CELF4: variants seen among roughly 807,000 people sequenced by gnomAD.
CELF4 encodes the protein CUG-BP- and ETR-3-like factor 4.
Under a neutral mutation model 59.9 loss-of-function variants are expected in CELF4, and 18 were observed. The ratio of observed to expected loss-of-function variants is 0.30; its 90% CI spans 0.21 to 0.45. CELF4 has a LOEUF of 0.45. CELF4 is among the 20% of genes least tolerant of loss of function. The probability of loss-of-function intolerance (pLI) is 1.00; values close to 1 mark genes in which losing one functional copy is unlikely to be tolerated. For synonymous variants in CELF4, 261 were observed against 267.1 expected (o/e 0.98, Z 0.22); for missense variants, 456 against 689.0 (o/e 0.66, Z 3.79).
At chr18:37,297,784 A>G (rs2095748078) in intron 3 of CELF4, among the ~76,000 whole-genome samples, 1 of 152,182 alleles carries the variant, frequency 6.6e-6, no homozygotes, top group South Asian at 2.1e-4. Flanking sequence ...AAAACTTCGT[A>G]CATTAATCTA....
At chr18:37,436,701 TGAAGG>T (rs2099693804) in intron 2 of CELF4, among the ~76,000 whole-genome samples, 1 of 152,188 alleles carries the variant, frequency 6.6e-6, no homozygotes, top group Admixed American at 6.5e-5. Context: ...TGCAGCCCTT[TGAAGG>T]GATGGTCAGA....
At chr18:37,421,816 T>C (rs533876930) in intron 2 of CELF4, among the ~76,000 whole-genome samples, 24 of 152,354 alleles carry the variant, frequency 1.6e-4, no homozygotes, top group Non-Finnish European at 2.5e-4. Context: ...ATGTGAGCTG[T>C]AAAACACCGG....
chr18:37,327,355 T>C (rs1340839177), intron 2 of CELF4, among the ~76,000 whole-genome samples: 1 of 152,186 alleles, frequency 6.6e-6, no homozygotes, highest in Non-Finnish European at 1.5e-5. Flanking sequence ...GGTCCTGGTA[T>C]GACCTGGGCT....
chr18:37,558,300 A>T (rs2099985440), intron 1 of CELF4, among the ~76,000 whole-genome samples: 1 of 150,724 alleles, frequency 6.6e-6, no homozygotes, highest in Admixed American at 6.6e-5. Context: ...GCGGAACTTG[A>T]TGGGTGGAGA....
At chr18:37,274,000 G>C (rs2092455064) in intron 6 of CELF4, 1 of 1,201,170 alleles carries the variant, frequency 8.3e-7, no homozygotes, top group Non-Finnish European at 1.0e-6. Context: ...TGCTTCCTGG[G>C]GTTCAACGTT....
chr18:37,289,934 T>C (rs1266036085), intron 3 of CELF4, among the ~76,000 whole-genome samples: 1 of 152,242 alleles, frequency 6.6e-6, no homozygotes, highest in Non-Finnish European at 1.5e-5. Flanking sequence ...GTGGTGGCTC[T>C]GGTCACCTCC....
rs571009592 is a variant in CELF4 at position 37,513,817 on chromosome 18, G to C, written c.287-28210C>G. On this transcript the variant is annotated intron_variant, in intron 1 of 12. Coordinates refer to ENST00000420428, the MANE Select transcript of CELF4 (RefSeq NM_020180.4). ...CCTCCTCTATGGAGCCTCCCTGAAGGGTTCATGAACTTCTGCATGCCTTGT... is the reference window on the plus strand; with the variant it reads ...CCTCCTCTATGGAGCCTCCCTGAAGCGTTCATGAACTTCTGCATGCCTTGT... Among the ~76,000 whole-genome samples, 139 of 152,200 alleles carry C rather than the reference G, an allele frequency of 9.1e-4. 1 individual carries two copies. Among genetic ancestry groups the C allele is most frequent in the Middle Eastern group, 3.4e-3 (1 of 294 alleles).
chr18:37,504,818 G>A (rs1396838017), intron 1 of CELF4, among the ~76,000 whole-genome samples: 1 of 152,192 alleles, frequency 6.6e-6, no homozygotes. Flanking sequence ...AGGTCAGAGC[G>A]CTACCTGGAA....
chr18:37,289,929 G>T (rs2095215129), intron 3 of CELF4, among the ~76,000 whole-genome samples: 1 of 152,310 alleles, frequency 6.6e-6, no homozygotes, highest in East Asian at 1.9e-4. Context: ...GAAATGTGGT[G>T]GCTCTGGTCA....
chr18:37,393,914 G>GA (rs150014642), intron 2 of CELF4, among the ~76,000 whole-genome samples: 36,183 of 135,972 alleles, frequency 0.27, 5,038 homozygotes, highest in East Asian at 0.46. Context: ...AAAGGCTAAG[G>GA]GAAAAAAAAA....
At chr18:37,278,401 G>A (rs1257308378) in intron 3 of CELF4, among the ~76,000 whole-genome samples, 1 of 152,188 alleles carries the variant, frequency 6.6e-6, no homozygotes, top group Non-Finnish European at 1.5e-5. Flanking sequence ...CCTCCAGTTG[G>A]GTATTGTGGC....
In CELF4 at chr18:37,374,726, T is replaced by C. The variant is rs1049120827; in HGVS notation, c.370-52845A>G. ...CCTTCTTGCCCGGTTCCTTCTCCCA[T>C]GGAAGGGAGGCACAGAGTGGATAAG... On this transcript the variant is annotated intron_variant, in intron 2 of 12. Coordinates refer to ENST00000420428, the MANE Select transcript of CELF4 (RefSeq NM_020180.4). Among the ~76,000 whole-genome samples the C allele has an allele frequency of 2.0e-5, 3 of 152,132 alleles. 1 individual carries two copies. The highest frequency in any genetic ancestry group is 7.2e-5 in the African/African-American group (3 of 41,430).
chr18:37,558,806 CGTGTGTGTGT>C (rs147683102), intron 1 of CELF4, among the ~76,000 whole-genome samples: 1 of 145,460 alleles, frequency 6.9e-6, no homozygotes, highest in African/African-American at 2.6e-5. Flanking sequence ...GCTGTCAGGT[CGTGTGTGTGT>C]GTGTGTGTGT....
chr18:37,308,065 G>C (rs960668067), intron 3 of CELF4, among the ~76,000 whole-genome samples: 1 of 151,938 alleles, frequency 6.6e-6, no homozygotes, highest in East Asian at 1.9e-4. Context: ...TAGCAATGAC[G>C]GGCTCCTGAA....
At chr18:37,304,004 T>A (rs974712782) in intron 3 of CELF4, among the ~76,000 whole-genome samples, 1 of 152,246 alleles carries the variant, frequency 6.6e-6, no homozygotes, top group Non-Finnish European at 1.5e-5. Flanking sequence ...TACCCACTAC[T>A]GCCTGACCCA....
intron 2 of CELF4, among the ~76,000 whole-genome samples, chr18:37,348,949 G>T (rs1603623674): frequency 6.6e-6 from 1 of 152,144 alleles, no homozygotes; most frequent in African/African-American, 2.4e-5. Context: ...CCTCCAGGGG[G>T]TTTGGGAGAG....
intron 2 of CELF4, among the ~76,000 whole-genome samples, chr18:37,385,995 C>G (rs1052935220): frequency 6.6e-6 from 1 of 152,178 alleles, no homozygotes; most frequent in African/African-American, 2.4e-5. Flanking sequence ...TTAATTTAAT[C>G]CAAATAAACT....
chr18:37,377,961 G>A (rs1345612448), intron 2 of CELF4, among the ~76,000 whole-genome samples: 1 of 152,170 alleles, frequency 6.6e-6, no homozygotes, highest in Non-Finnish European at 1.5e-5. Flanking sequence ...CTAAGGCAGT[G>A]GAAAGCAGAG....
At chr18:37,501,272 T>C (rs1413522978) in intron 1 of CELF4, among the ~76,000 whole-genome samples, 1 of 152,206 alleles carries the variant, frequency 6.6e-6, no homozygotes, top group Non-Finnish European at 1.5e-5. Context: ...AAATCTCTGC[T>C]TAAGTGCAGG....
Sources: allele counts gnomAD v4.1 joint callset (sites outside exome capture counted in the v4.1 genomes callset), GRCh38; gene constraint gnomAD v4.1.1; transcripts MANE v1.5; gene names NCBI Gene and HGNC (gene_info 2026-07-23, HGNC 2026-07-21).